Variants in TCF20 observed in about 807,000 individuals in gnomAD.
TCF20 encodes the protein SPRE-binding protein.
In TCF20, 3 loss-of-function variants were observed where a neutral mutation model predicts 148.6. That is an observed-to-expected ratio of 0.02 (90% CI 0.01 to 0.05). TCF20 has a LOEUF of 0.05. TCF20 is among the 10% of genes least tolerant of loss of function. The probability of loss-of-function intolerance (pLI) is 1.00; values close to 1 mark genes in which losing one functional copy is unlikely to be tolerated. For synonymous variants in TCF20, 1,049 were observed against 909.5 expected (o/e 1.15, Z -2.76); for missense variants, 2,350 against 2,429.3 (o/e 0.97, Z 0.69).
At chr22:42,177,553 T>C (rs558653450) in intron 3 of TCF20, among the ~76,000 whole-genome samples, 11 of 152,336 alleles carry the variant, frequency 7.2e-5, no homozygotes, top group Non-Finnish European at 1.3e-4. Flanking sequence ...ATCGAAGCTC[T>C]GAGTCAAAAC....
In TCF20 at chr22:42,214,889, A is replaced by C. The variant is rs1921541309; in HGVS notation, c.417T>G (p.Phe139Leu). The change falls in exon 2 of 6, where the codon TTT (phenylalanine) becomes TTG (leucine). Residue 139 changes from phenylalanine (F) to leucine (L), a missense_variant. Phe to Leu is a conservative substitution (Grantham distance 22, BLOSUM62 0). Around this residue, in one of 7 missense-constraint regions of TCF20, gnomAD observed 1,641 missense variants for 1,662.6 expected, o/e 0.99. Coordinates refer to ENST00000677622, the MANE Select transcript of TCF20 (RefSeq NM_001378418.1). The part of the protein sequence containing the change: ...QYGSEGHVGQ[F>L]QAQHSGLGGV... ...CGCCAAGGCCAGAGTGCTGTGCTTG[A>C]AACTGGCCCACATGACCCTCACTCC... 7 of 1,614,164 alleles carry C rather than the reference A, an allele frequency of 4.3e-6. No individual in the cohort carries two copies. The highest frequency in any genetic ancestry group is 5.9e-6 in the Non-Finnish European group (7 of 1,180,024).
chr22:42,285,855 G>A (rs1047203910), upstream of TCF20, among the ~76,000 whole-genome samples: 2 of 151,980 alleles, frequency 1.3e-5, no homozygotes, highest in African/African-American at 2.4e-5. The surrounding 1 kb of genome is among the most constrained non-coding windows in gnomAD (Gnocchi z 4.2). Context: ...ACCACTTCCT[G>A]CGTTACATGA....
chr22:42,186,554 C>A (rs568115969), intron 2 of TCF20, among the ~76,000 whole-genome samples: 3 of 152,238 alleles, frequency 2.0e-5, no homozygotes, highest in East Asian at 1.9e-4. Context: ...TAAGTAATTT[C>A]TCTCCTACAA....
chr22:42,227,020 C>T (rs1922971155), intron 1 of TCF20, among the ~76,000 whole-genome samples: 2 of 152,076 alleles, frequency 1.3e-5, no homozygotes, highest in Non-Finnish European at 2.9e-5. Flanking sequence ...TGGTGGCTCA[C>T]GCCTGTAATC....
At chr22:42,174,085 AGAG>A in intron 3 of TCF20, among the ~76,000 whole-genome samples, 1 of 152,148 alleles carries the variant, frequency 6.6e-6, no homozygotes, top group East Asian at 1.9e-4. Context: ...AGCTTCCACT[AGAG>A]GAGAGGATGT....
chr22:42,188,032 G>A (rs980910120), intron 2 of TCF20, among the ~76,000 whole-genome samples: 3 of 151,982 alleles, frequency 2.0e-5, no homozygotes, highest in African/African-American at 7.2e-5. Context: ...GGTGGCTCAC[G>A]CCTGTAATTC....
intron 1 of TCF20, among the ~76,000 whole-genome samples, chr22:42,324,647 G>GA (rs907654918): frequency 7.5e-6 from 1 of 132,644 alleles, no homozygotes; most frequent in African/African-American, 2.8e-5. Context: ...CACCATTCGA[G>GA]AAAAAATAAT....
chr22:42,183,773 GTTC>G (rs1183357089), intron 2 of TCF20, among the ~76,000 whole-genome samples: 1 of 147,996 alleles, frequency 6.8e-6, no homozygotes, highest in Non-Finnish European at 1.5e-5. Context: ...TTCCTTTTAG[GTTC>G]TTTTTTTTTT....
chr22:42,250,951 A>C (rs981919322), intron 1 of TCF20, among the ~76,000 whole-genome samples: 1 of 152,194 alleles, frequency 6.6e-6, no homozygotes, highest in African/African-American at 2.4e-5. Context: ...TAAAACAGCC[A>C]GATCTCGCGA....
At chr22:42,197,416 G>A (rs562579108) in intron 2 of TCF20, among the ~76,000 whole-genome samples, 6 of 149,680 alleles carry the variant, frequency 4.0e-5, no homozygotes, top group East Asian at 2.0e-4. Flanking sequence ...TCCGCCTCCC[G>A]GGTTCATGCC....
At chr22:42,167,209 A>T (rs1168458974) in intron 5 of TCF20, among the ~76,000 whole-genome samples, 1 of 152,224 alleles carries the variant, frequency 6.6e-6, no homozygotes, top group East Asian at 1.9e-4. Flanking sequence ...GGAAGAGGAA[A>T]GAGAAAGGCA....
At chr22:42,272,306 C>T (rs1926651852), upstream of TCF20, among the ~76,000 whole-genome samples, 1 of 152,214 alleles carries the variant, frequency 6.6e-6, no homozygotes, top group South Asian at 2.1e-4. Flanking sequence ...AGGCACTCAG[C>T]ACAAATCAAT....
chr22:42,269,966 C>T (rs1179465922), intron 1 of TCF20: 3 of 152,296 alleles, frequency 2.0e-5, no homozygotes, highest in African/African-American at 4.8e-5. Context: ...GGCGCTGACT[C>T]CCGGACGCCG....
At chr22:42,169,754 G>A in intron 4 of TCF20, 93 bp downstream of exon 4, 5 of 1,355,702 alleles carry the variant, frequency 3.7e-6, no homozygotes, top group South Asian at 3.7e-5. Flanking sequence ...GACAGGTGTG[G>A]GTGAGGCCCA....
chr22:42,169,499 TA>T (rs1935990611), intron 4 of TCF20, among the ~76,000 whole-genome samples: 1 of 152,230 alleles, frequency 6.6e-6, no homozygotes, highest in African/African-American at 2.4e-5. Context: ...GAACCAGACT[TA>T]CCAAACGCCA....
Position 42,338,174 on chromosome 22 carries a change from C to A in TCF20, c.-37+5305G>T, listed in dbSNP as rs1281703144. On this transcript the variant is annotated intron_variant, in intron 1 of 1. Transcript: ENST00000515426. This position sits in a 1 kb window ranked among gnomAD's most constrained non-coding sequence, Gnocchi z 4.0. The stretch of plus-strand genomic sequence containing the variant: ...GCGTCCCCTGAGATCCCCCACCGCC[C>A]TGGATGTTCACGGTTCTGCAGCATG... 1.3e-5 allele frequency among the ~76,000 whole-genome samples: 2 copies of A among 152,258 alleles called. No individual in the cohort carries two copies. Among genetic ancestry groups the A allele is most frequent in the African/African-American group, 4.8e-5 (2 of 41,468 alleles).
chr22:42,183,479 C>G (rs1936880971), intron 2 of TCF20, among the ~76,000 whole-genome samples: 1 of 152,138 alleles, frequency 6.6e-6, no homozygotes, highest in Admixed American at 6.5e-5. Context: ...GATTTGCCAG[C>G]AGGGTCATAG....
intron 2 of TCF20, among the ~76,000 whole-genome samples, chr22:42,191,410 C>T (rs1937327935): frequency 6.6e-6 from 1 of 152,178 alleles, no homozygotes; most frequent in Non-Finnish European, 1.5e-5. Context: ...CTGCCTTAGC[C>T]TCTAAAGTAG....
At chr22:42,283,291 T>C (rs1926947399) in intron 1 of TCF20, among the ~76,000 whole-genome samples, 1 of 151,840 alleles carries the variant, frequency 6.6e-6, no homozygotes. Context: ...CTGGAAATAG[T>C]GGAGGGGGGG....
Sources: allele counts gnomAD v4.1 joint callset (sites outside exome capture counted in the v4.1 genomes callset), GRCh38; gene constraint gnomAD v4.1.1; regional missense constraint gnomAD v4.1.1; non-coding constraint Gnocchi (gnomAD v3.1); transcripts MANE v1.5; gene names NCBI Gene and HGNC (gene_info 2026-07-23, HGNC 2026-07-21).